CDH13: variants seen among roughly 807,000 people sequenced by gnomAD.
The protein encoded by CDH13 is cadherin 13, also known as cadherin-13.
CDH13 carries 24 observed loss-of-function variants against 63.8 expected under a neutral mutation model. The ratio of observed to expected loss-of-function variants is 0.38; its 90% CI spans 0.27 to 0.53. The LOEUF (loss-of-function observed/expected upper bound fraction) is 0.53. Ranked by LOEUF, CDH13 falls within the 20% of genes least tolerant of loss-of-function variation. CDH13 has a pLI of 0.85. For synonymous variants in CDH13, 503 were observed against 355.3 expected (o/e 1.42, Z -4.67); for missense variants, 1,049 against 903.1 (o/e 1.16, Z -2.07).
intron 2 of CDH13, among the ~76,000 whole-genome samples, chr16:82,955,835 A>G (rs1199873151): frequency 6.6e-6 from 1 of 152,244 alleles, no homozygotes; most frequent in Non-Finnish European, 1.5e-5. Flanking sequence ...AAAGAAGTGG[A>G]AAACCTCTTC....
chr16:82,692,662 C>T (rs764755456), intron 1 of CDH13, among the ~76,000 whole-genome samples: 1 of 152,120 alleles, frequency 6.6e-6, no homozygotes, highest in Admixed American at 6.5e-5. Flanking sequence ...TGAGAGGATG[C>T]CTTGAATAGG....
At chr16:83,400,602 T>C (rs776452077) in intron 6 of CDH13, among the ~76,000 whole-genome samples, 35 of 152,322 alleles carry the variant, frequency 2.3e-4, no homozygotes, top group Non-Finnish European at 4.4e-4. Context: ...TCAGTTACTT[T>C]TGCACCAACC....
intron 1 of CDH13, among the ~76,000 whole-genome samples, chr16:82,702,172 C>T (rs570875909): frequency 1.3e-5 from 2 of 152,116 alleles, no homozygotes; most frequent in African/African-American, 2.4e-5. Context: ...CATGCTTTTC[C>T]CTTGCCTGAA....
At chr16:83,068,830 CGTTCCCTGCCCCCTTGTT>C (rs2032226866) in intron 3 of CDH13, among the ~76,000 whole-genome samples, 1 of 152,148 alleles carries the variant, frequency 6.6e-6, no homozygotes, top group African/African-American at 2.4e-5. Context: ...CTGCCTTAAC[CGTTCCCTGCCCCCTTGTT>C]GTTCAATTTC....
chr16:82,640,609 C>A (rs932499247), intron 1 of CDH13, among the ~76,000 whole-genome samples: 1 of 152,158 alleles, frequency 6.6e-6, no homozygotes, highest in Non-Finnish European at 1.5e-5. Context: ...CATTTGCCAA[C>A]CACTAATCTA....
chr16:83,740,551 G>T lies in CDH13; in HGVS notation c.1539-7557G>T, dbSNP rs574407306. Among the ~76,000 whole-genome samples, 13 of 152,296 alleles carry T rather than the reference G, an allele frequency of 8.5e-5. No homozygotes were observed. In the South Asian group the frequency reaches 2.5e-3, roughly 29 times the overall value. Reference sequence around the variant, plus strand: ...TGTCATGGTAGGGATCAGAATGTCTGTAAAAAGCAAAGTTTTGGTCCATGT... The same window carrying T: ...TGTCATGGTAGGGATCAGAATGTCTTTAAAAAGCAAAGTTTTGGTCCATGT... On this transcript the variant is annotated intron_variant, in intron 10 of 13. Transcript: ENST00000567109.
intron 7 of CDH13, among the ~76,000 whole-genome samples, chr16:83,522,154 C>A (rs2074853233): frequency 6.6e-6 from 1 of 152,226 alleles, no homozygotes; most frequent in South Asian, 2.1e-4. Flanking sequence ...GAGGAGCCAG[C>A]TCTGGCTTGC....
intron 10 of CDH13, among the ~76,000 whole-genome samples, chr16:83,734,499 G>A (rs1010164607): frequency 6.6e-6 from 1 of 151,092 alleles, no homozygotes; most frequent in African/African-American, 2.4e-5. Context: ...ACCAAACACC[G>A]CATGTTCTCA....
chr16:83,176,294 G>A (rs1031899112), intron 4 of CDH13, among the ~76,000 whole-genome samples: 3 of 151,946 alleles, frequency 2.0e-5, no homozygotes, highest in African/African-American at 4.8e-5. Context: ...GGCAGACCAC[G>A]AGGTCAGGAG....
chr16:83,005,280 T>A (rs1168422822), intron 2 of CDH13, among the ~76,000 whole-genome samples: 1 of 152,194 alleles, frequency 6.6e-6, no homozygotes, highest in East Asian at 1.9e-4. Context: ...AGATTAAGTT[T>A]GGAAAATAGG....
chr16:82,917,249 G>T (rs963873220), intron 2 of CDH13, among the ~76,000 whole-genome samples: 8 of 152,220 alleles, frequency 5.3e-5, no homozygotes, highest in African/African-American at 1.9e-4. Context: ...CAGTGCAAAA[G>T]CCTGACCATG....
intron 10 of CDH13, among the ~76,000 whole-genome samples, chr16:83,682,333 T>C (rs1915474679): frequency 6.6e-6 from 1 of 152,104 alleles, no homozygotes; most frequent in East Asian, 1.9e-4. Flanking sequence ...TAGGAAGCTG[T>C]TCTGGGTGGT....
At chr16:83,243,521 C>A (rs776370321) in intron 5 of CDH13, among the ~76,000 whole-genome samples, 1 of 152,130 alleles carries the variant, frequency 6.6e-6, no homozygotes, top group African/African-American at 2.4e-5. Flanking sequence ...AGCTACATTT[C>A]AAGATGAGAT....
At chr16:83,460,574 C>A (rs560152345) in intron 6 of CDH13, among the ~76,000 whole-genome samples, 1 of 152,076 alleles carries the variant, frequency 6.6e-6, no homozygotes, top group Non-Finnish European at 1.5e-5. Context: ...GTGGAAAACA[C>A]AGTCTGCAGA....
intron 1 of CDH13, among the ~76,000 whole-genome samples, chr16:82,712,509 T>TA (rs2151008563): frequency 6.6e-6 from 1 of 152,286 alleles, no homozygotes; most frequent in African/African-American, 2.4e-5. Context: ...ATTTTTCTCT[T>TA]ACCACGCCTA....
chr16:83,252,654 C>A (rs972634385), intron 5 of CDH13, among the ~76,000 whole-genome samples: 1 of 152,154 alleles, frequency 6.6e-6, no homozygotes, highest in East Asian at 1.9e-4. Context: ...GGATTAAGGG[C>A]CAACCTGGGG....
intron 7 of CDH13, among the ~76,000 whole-genome samples, chr16:83,566,463 T>A (rs1257444385): frequency 1.3e-5 from 2 of 152,128 alleles, no homozygotes. Flanking sequence ...TCCAGCCACA[T>A]ATACTGTTAG....
chr16:82,645,261 C>T (rs187347598), intron 1 of CDH13, among the ~76,000 whole-genome samples: 34 of 152,300 alleles, frequency 2.2e-4, no homozygotes, highest in Non-Finnish European at 4.0e-4. Flanking sequence ...CCTCTGGGGG[C>T]AGGCTCAGAA....
chr16:82,768,982 C>G (rs907773260), intron 1 of CDH13, among the ~76,000 whole-genome samples: 5 of 152,156 alleles, frequency 3.3e-5, no homozygotes, highest in South Asian at 2.1e-4. Flanking sequence ...GTAATGGCAT[C>G]TCTCTGATTA....
Sources: allele counts gnomAD v4.1 joint callset (sites outside exome capture counted in the v4.1 genomes callset), GRCh38; gene constraint gnomAD v4.1.1; transcripts MANE v1.5; gene names NCBI Gene and HGNC (gene_info 2026-07-23, HGNC 2026-07-21).